The following ZNF638 variants were observed in gnomAD, a reference collection of about 807,000 sequenced individuals.
The protein encoded by ZNF638 is zinc finger protein 638.
Under a neutral mutation model 195.6 loss-of-function variants are expected in ZNF638, and 46 were observed. That is an observed-to-expected ratio of 0.24 (90% confidence interval 0.19 to 0.30). The LOEUF (loss-of-function observed/expected upper bound fraction) is 0.30, where lower values mean the gene tolerates loss of function less well. Among genes scored for constraint, ZNF638 ranks in the 10% least tolerant of loss-of-function variants. The probability of loss-of-function intolerance (pLI) is 1.00; values close to 1 mark genes in which losing one functional copy is unlikely to be tolerated. For missense variants in ZNF638, 2,440 were observed against 2,325.3 expected (o/e 1.05, Z -1.01); for synonymous variants, 845 against 772.0 (o/e 1.09, Z -1.57).
intron 10 of ZNF638, among the ~76,000 whole-genome samples, chr2:71,383,139 A>G (rs1351565390): frequency 6.6e-5 from 10 of 152,142 alleles, no homozygotes; most frequent in Non-Finnish European, 1.5e-5. Context: ...CCTGGCCAAC[A>G]TGGTGAAACC....
chr2:71,406,203 T>C lies in ZNF638; in HGVS notation c.3076T>C (p.Cys1026Arg), dbSNP rs772778292. The change falls in exon 19 of 28, where the codon TGT becomes CGT. Residue 1026 changes from cysteine (C) to arginine (R), a missense_variant. Physicochemically the swap from Cys to Arg is radical, Grantham distance 180 (BLOSUM62 -3). Around this residue, in one of 5 missense-constraint regions of ZNF638, gnomAD observed 1,883 missense variants for 1,739.1 expected, o/e 1.08. Transcript: ENST00000264447. ...GGAAGATGGACTTCAGTGTGTACTT[T>C]GTGTTGGACTTCAGTTTGGAAAAGT... ...LPEDGLQCVL[C>R]VGLQFGKVDH... is the part of the protein sequence containing the mutation. 3 of 1,613,660 alleles carry C rather than the reference T, an allele frequency of 1.9e-6. No individual in the cohort carries two copies. In the Admixed American group the frequency reaches 5.0e-5, roughly 27 times the overall value.
At chr2:71,363,323 G>A (rs1233780676) in intron 4 of ZNF638, 132 bp downstream of exon 4, 2 of 651,740 alleles carry the variant, frequency 3.1e-6, no homozygotes, top group Non-Finnish European at 5.2e-6. Flanking sequence ...AAACCTCTAT[G>A]AATCTTTAAC....
chr2:71,388,693 C>T lies in ZNF638; in HGVS notation c.2378-7448C>T, dbSNP rs761012430. On this transcript the variant is annotated intron_variant, in intron 10 of 27. Coordinates refer to ENST00000264447, the MANE Select transcript of ZNF638 (RefSeq NM_014497.5). ...CTGCAAGGGATCACGACGGAACCCC[C>T]GAAAATGAAGGCGAAGAGACTGTGC... The T allele has an allele frequency of 2.7e-4, 316 of 1,152,630 alleles. 1 individual carries two copies. In the Middle Eastern group the frequency reaches 3.7e-3, roughly 13 times the overall value. The allele number at this position is 1,152,630 out of a possible 1,614,324, so 71.4% of individuals were successfully genotyped here. A position where few individuals can be genotyped will look rare whatever the true frequency, so the allele number is the denominator to read the frequency against.
chr2:71,433,332 G>A, intron 27 of ZNF638, 49 bp downstream of exon 27: 1 of 1,326,418 alleles, frequency 7.5e-7, no homozygotes, highest in Non-Finnish European at 1.1e-6. Context: ...TATTGTCTTA[G>A]AATCAAATTA....
intron 10 of ZNF638, among the ~76,000 whole-genome samples, chr2:71,392,130 C>G (rs144578391): frequency 6.6e-6 from 1 of 152,158 alleles, no homozygotes. Flanking sequence ...AGTAGAAATT[C>G]GAAGTAGTCT....
At position 71,424,734 on chromosome 2, in the gene ZNF638, AC is replaced by A. The variant is rs2080502621; in HGVS notation, c.4590+22del. 6.3e-7 allele frequency: 1 copy of A among 1,587,568 alleles called. No homozygotes were observed. On this transcript the variant is annotated intron_variant, in intron 23 of 27. Coordinates refer to ENST00000264447, the MANE Select transcript of ZNF638 (RefSeq NM_014497.5). ...TAAAGAGGTAAAAAATAGATCACAG[AC>A]CCTAACCCTTCTTTTTCATCTCCAT...
rs117947596 is a variant in ZNF638 at position 71,393,833 on chromosome 2, G to C, written c.2378-2308G>C. On this transcript the variant is annotated intron_variant, in intron 10 of 27. Coordinates refer to ENST00000264447, the MANE Select transcript of ZNF638 (RefSeq NM_014497.5). ...AGGAGGGATTGACTTATCCCAGTAG[G>C]GTCCGTTATTAATGGCACACATTGG... is the stretch of plus-strand genomic sequence containing the variant. Among the ~76,000 whole-genome samples, 74 of 152,128 alleles carry C rather than the reference G, an allele frequency of 4.9e-4. No homozygotes were observed. In the East Asian group the frequency reaches 0.013, roughly 26 times the overall value.
At chr2:71,399,299 G>A (rs1469595241) in intron 12 of ZNF638, among the ~76,000 whole-genome samples, 2 of 152,136 alleles carry the variant, frequency 1.3e-5, no homozygotes, top group African/African-American at 4.8e-5. Flanking sequence ...TTTTGCGTGT[G>A]TGTGATTACA....
At chr2:71,396,264 T>C (rs1370428407) in intron 11 of ZNF638, 73 bp downstream of exon 11, 1 of 1,226,566 alleles carries the variant, frequency 8.2e-7, no homozygotes, top group East Asian at 2.4e-5. Context: ...ATGGCAGTAG[T>C]AGTCTTGGAT....
chr2:71,406,095 G>T (rs775351438), intron 18 of ZNF638, 33 bp from the exon 19 acceptor site: 12 of 1,609,800 alleles, frequency 7.5e-6, no homozygotes, highest in African/African-American at 6.7e-5. Context: ...TTCAGCTGTG[G>T]TTTTTTCTGT....
Position 71,383,560 on chromosome 2 carries a change from G to GTT in ZNF638, c.2377+3015_2377+3016dup, listed in dbSNP as rs57987492. Among the ~76,000 whole-genome samples the GTT allele has an allele frequency of 6.6e-4, 80 of 122,090 alleles. 3 individuals are homozygous for GTT. Among genetic ancestry groups the GTT allele is most frequent in the African/African-American group, 2.5e-3 (76 of 30,506 alleles). The allele number at this position is 122,090 out of a possible 152,430, so 80.1% of individuals were successfully genotyped here. ...CATGTCATGCTTTTCTTCCTGGGTGGTTTTTTTTTTTTTTTTTTTTTCTTC... is the reference window on the plus strand; with the variant it reads ...CATGTCATGCTTTTCTTCCTGGGTGGTTTTTTTTTTTTTTTTTTTTTTTCTTC... On this transcript the variant is annotated intron_variant, in intron 10 of 27. Transcript: ENST00000264447.
chr2:71,345,707 G>A (rs1175356950), intron 1 of ZNF638, among the ~76,000 whole-genome samples: 2 of 151,998 alleles, frequency 1.3e-5, no homozygotes, highest in Non-Finnish European at 2.9e-5. Flanking sequence ...ATTTTGTCAT[G>A]TTGCCCAGGC....
At position 71,348,769 on chromosome 2, in the gene ZNF638, GA is replaced by G; in HGVS notation, c.-182del. The stretch of plus-strand genomic sequence containing the variant: ...AACTTTCAGCTTTGTGTTATTCTTG[GA>G]AAATTTCGCACCACTTGTGAATTCC... On this transcript the variant is annotated 5_prime_UTR_variant, in exon 2 of 28. Transcript: ENST00000264447. 3.3e-6 allele frequency: 5 copies of G among 1,537,046 alleles called. No homozygotes were observed. Among genetic ancestry groups the G allele is most frequent in the Non-Finnish European group, 4.4e-6 (5 of 1,146,266 alleles).
At chr2:71,350,534 T>TA (rs2078922378) in intron 2 of ZNF638, among the ~76,000 whole-genome samples, 3 of 152,218 alleles carry the variant, frequency 2.0e-5, no homozygotes, top group South Asian at 2.1e-4. Flanking sequence ...TTATCCCACT[T>TA]ACGCAACATA....
intron 8 of ZNF638, chr2:71,379,965 A>T (rs2079506350): frequency 3.6e-6 from 1 of 274,714 alleles, no homozygotes; most frequent in Non-Finnish European, 6.8e-6. Context: ...CAGCACGAGC[A>T]CGGTTTCAAG....
At chr2:71,342,705 A>G (rs530308225) in intron 1 of ZNF638, among the ~76,000 whole-genome samples, 4 of 152,168 alleles carry the variant, frequency 2.6e-5, no homozygotes, top group African/African-American at 7.2e-5. Context: ...TGTCTTGGCA[A>G]TTTGGTAAGG....
chr2:71,384,997 A>G (rs1040336691), intron 10 of ZNF638, among the ~76,000 whole-genome samples: 7 of 152,174 alleles, frequency 4.6e-5, no homozygotes, highest in African/African-American at 1.7e-4. Flanking sequence ...GATTTCAGCT[A>G]TACCATGGCA....
intron 3 of ZNF638, among the ~76,000 whole-genome samples, chr2:71,359,523 A>G (rs1338047028): frequency 6.6e-6 from 1 of 152,178 alleles, no homozygotes; most frequent in African/African-American, 2.4e-5. Context: ...TACTCAGCCC[A>G]CTGACTCACA....
chr2:71,369,530 T>C (rs182783786), intron 7 of ZNF638, among the ~76,000 whole-genome samples: 1 of 152,232 alleles, frequency 6.6e-6, no homozygotes, highest in Non-Finnish European at 1.5e-5. Flanking sequence ...GTGTTGTCTT[T>C]GTTGCAAGAA....
Sources: allele counts gnomAD v4.1 joint callset (sites outside exome capture counted in the v4.1 genomes callset), GRCh38; gene constraint gnomAD v4.1.1; regional missense constraint gnomAD v4.1.1; transcripts MANE v1.5; gene names NCBI Gene and HGNC (gene_info 2026-07-23, HGNC 2026-07-21).